CRHR2: variants seen among roughly 807,000 people sequenced by gnomAD.
CRHR2 encodes corticotropin-releasing hormone receptor 2.
In CRHR2, 53 loss-of-function variants were observed where a neutral mutation model predicts 57.9. The observed-to-expected ratio is 0.92, with a 90% CI of 0.73 to 1.15. The LOEUF (loss-of-function observed/expected upper bound fraction) is 1.15. Ranked by LOEUF, CRHR2 falls within the 50% of genes most tolerant of loss-of-function variation. The pLI, the probability that CRHR2 is intolerant of heterozygous loss-of-function variation, is 0.00. For missense variants in CRHR2, 532 were observed against 542.6 expected (o/e 0.98, Z 0.19); for synonymous variants, 213 against 220.9 (o/e 0.96, Z 0.32).
chr7:30,667,119 T>C lies in CRHR2; in HGVS notation c.315+109A>G, dbSNP rs537470910. On this transcript the variant is annotated intron_variant, in intron 3 of 11. Transcript: ENST00000471646. ...CAGGGGCAGGAGGTACAGAAGGGAG[T>C]GACTGGGTGACAAAAGGACTGGTCT... The C allele has an allele frequency of 4.4e-6, 4 of 917,444 alleles. No homozygotes were observed. In the South Asian group the frequency reaches 4.4e-5, roughly 10 times the overall value. The allele number at this position is 917,444 out of a possible 1,614,324, so 56.8% of individuals were successfully genotyped here. A position where few individuals can be genotyped will look rare whatever the true frequency, so the allele number is the denominator to read the frequency against.
Position 30,665,209 on chromosome 7 carries a change from G to T in CRHR2, c.426-22C>A, listed in dbSNP as rs1230578973. On this transcript the variant is annotated intron_variant, in intron 4 of 11. Transcript: ENST00000471646. This position sits in a 1 kb window ranked among gnomAD's most constrained non-coding sequence, Gnocchi z 4.5. Reference sequence around the variant, plus strand: ...GCTCCTGTGGGAGGTGCAGGTCAGGGGTCAGCCAGGTTCAGGGGTCAACTG... The same window carrying T: ...GCTCCTGTGGGAGGTGCAGGTCAGGTGTCAGCCAGGTTCAGGGGTCAACTG... 4 of 1,602,892 alleles carry T rather than the reference G, an allele frequency of 2.5e-6. No individual in the cohort carries two copies. In the Admixed American group the frequency reaches 5.0e-5, roughly 20 times the overall value.
At chr7:30,655,784 G>A in intron 9 of CRHR2, 69 bp from the exon 10 acceptor site, 1 of 1,593,054 alleles carries the variant, frequency 6.3e-7, no homozygotes, top group Non-Finnish European at 8.6e-7. Flanking sequence ...TGGGCGGCGG[G>A]AGACAGTGGT....
intron 2 of CRHR2, among the ~76,000 whole-genome samples, chr7:30,675,086 T>G (rs1784475915): frequency 6.6e-6 from 1 of 152,222 alleles, no homozygotes; most frequent in Non-Finnish European, 1.5e-5. Flanking sequence ...CTGCTAAATC[T>G]GAGCCCAGGT....
intron 3 of CRHR2, 144 bp downstream of exon 3, chr7:30,667,084 A>G: frequency 1.5e-6 from 1 of 689,106 alleles, no homozygotes; most frequent in Non-Finnish European, 2.5e-6. Flanking sequence ...ACAGGGCAGG[A>G]CACTGGGGGC....
chr7:30,686,671 A>G (rs1784863834), upstream of CRHR2: 4 of 649,216 alleles, frequency 6.2e-6, no homozygotes, highest in South Asian at 1.6e-5. Flanking sequence ...TATATCATCT[A>G]TGGATAGGAT....
At chr7:30,695,292 G>A (rs370005580) in intron 1 of CRHR2, among the ~76,000 whole-genome samples, 74 of 152,228 alleles carry the variant, frequency 4.9e-4, no homozygotes, top group African/African-American at 1.8e-3. Context: ...TGTTGAGTGA[G>A]AATCCCCTTG....
intron 1 of CRHR2, among the ~76,000 whole-genome samples, chr7:30,696,063 G>A (rs149484974): frequency 3.7e-4 from 56 of 152,262 alleles, no homozygotes; most frequent in African/African-American, 1.1e-3. Flanking sequence ...GACAAACATC[G>A]CATGTTATCA....
chr7:30,684,881 C>T (rs1784823979), upstream of CRHR2, among the ~76,000 whole-genome samples: 1 of 152,134 alleles, frequency 6.6e-6, no homozygotes, highest in South Asian at 2.1e-4. Flanking sequence ...TTACTAAATC[C>T]AAGTACAAAC....
chr7:30,671,620 T>G, intron 2 of CRHR2, among the ~76,000 whole-genome samples: 1 of 121,978 alleles, frequency 8.2e-6, no homozygotes, highest in African/African-American at 3.2e-5. Context: ...AGCAACATGA[T>G]GAAACCCCAT....
intron 2 of CRHR2, among the ~76,000 whole-genome samples, chr7:30,668,625 C>T (rs761425847): frequency 2.0e-5 from 3 of 152,148 alleles, no homozygotes; most frequent in Non-Finnish European, 4.4e-5. Context: ...CCGTTGAGCC[C>T]GATGAGTTGG....
In CRHR2 at chr7:30,656,050, A is replaced by G; in HGVS notation, c.832-38T>C. Reference sequence around the variant, plus strand: ...CGGGCATGGGAAAGAGGGAAAAGGAAGGAGCACGTGTTTGAGATGAGCCGA... The same window carrying G: ...CGGGCATGGGAAAGAGGGAAAAGGAGGGAGCACGTGTTTGAGATGAGCCGA... On this transcript the variant is annotated intron_variant, in intron 8 of 11. Coordinates refer to ENST00000471646, the MANE Select transcript of CRHR2 (RefSeq NM_001883.5). This position sits in a 1 kb window ranked among gnomAD's most constrained non-coding sequence, Gnocchi z 4.4. The G allele has an allele frequency of 6.3e-7, 1 of 1,596,436 alleles. No homozygotes were observed. Among genetic ancestry groups the G allele is most frequent in the Non-Finnish European group, 8.6e-7 (1 of 1,164,340 alleles).
intron 2 of CRHR2, 53 bp downstream of exon 2, chr7:30,681,862 C>T (rs1584128190): frequency 2.5e-6 from 4 of 1,571,140 alleles, no homozygotes; most frequent in African/African-American, 1.4e-5. Context: ...CTCCCTAAAC[C>T]GCCTTCTCAG....
chr7:30,658,051 T>A (rs1238525101), intron 8 of CRHR2, among the ~76,000 whole-genome samples: 1 of 152,224 alleles, frequency 6.6e-6, no homozygotes, highest in Non-Finnish European at 1.5e-5. Flanking sequence ...CATTTAGTTA[T>A]GTGGCCCCAC....
At chr7:30,663,260 T>C (rs1467482417) in intron 5 of CRHR2, among the ~76,000 whole-genome samples, 1 of 152,186 alleles carries the variant, frequency 6.6e-6, no homozygotes, top group African/African-American at 2.4e-5. Flanking sequence ...ATATGGAATT[T>C]CATTTAGAAA....
chr7:30,698,680 A>C (rs1785107850), intron 1 of CRHR2, among the ~76,000 whole-genome samples: 1 of 152,076 alleles, frequency 6.6e-6, no homozygotes, highest in African/African-American at 2.4e-5. Flanking sequence ...TCTCTCCTCC[A>C]CCTGGCCAGG....
chr7:30,688,876 T>C, intron 2 of CRHR2: 1 of 507,176 alleles, frequency 2.0e-6, no homozygotes, highest in South Asian at 1.5e-5. Context: ...CCAGTTTCCC[T>C]GGAGTTGGAA....
intron 2 of CRHR2, among the ~76,000 whole-genome samples, chr7:30,669,998 A>G (rs1784307784): frequency 1.3e-5 from 2 of 152,062 alleles, no homozygotes; most frequent in African/African-American, 4.8e-5. Flanking sequence ...GCCATCCCCG[A>G]CACCCTTAGG....
At chr7:30,682,877 G>T (rs1461687828), upstream of CRHR2, among the ~76,000 whole-genome samples, 2 of 152,250 alleles carry the variant, frequency 1.3e-5, no homozygotes, top group Non-Finnish European at 2.9e-5. Context: ...AGGCAGAGAC[G>T]GAGAGCCCAT....
rs113213343 is a variant in CRHR2, at chr7:30,676,813, G to A, written c.229+5102C>T. The stretch of plus-strand genomic sequence containing the variant: ...ATGTGTTTCCATTGTAACACAATCA[G>A]TGCTTAAGCATGTCTCTAGAATGGG... On this transcript the variant is annotated intron_variant, in intron 2 of 11. Transcript: ENST00000471646. Among the ~76,000 whole-genome samples the A allele has an allele frequency of 8.5e-3, 1,296 of 152,362 alleles. 23 individuals carry two copies. Among genetic ancestry groups the A allele is most frequent in the African/African-American group, 0.03 (1,238 of 41,582 alleles).
Sources: allele counts gnomAD v4.1 joint callset (sites outside exome capture counted in the v4.1 genomes callset), GRCh38; gene constraint gnomAD v4.1.1; non-coding constraint Gnocchi (gnomAD v3.1); transcripts MANE v1.5; gene names NCBI Gene and HGNC (gene_info 2026-07-23, HGNC 2026-07-21).